The following SH2D7 variants were observed in gnomAD, a reference collection of about 807,000 sequenced individuals.
The protein encoded by SH2D7 is SH2 domain containing 7, also known as SH2 domain-containing protein 7.
A neutral mutation model predicts 40.8 loss-of-function variants in SH2D7; 32 were observed. The ratio of observed to expected loss-of-function variants is 0.78; its 90% CI spans 0.59 to 1.05. SH2D7 has a LOEUF of 1.05. SH2D7 is among the 50% of genes least tolerant of loss of function. SH2D7 has a pLI of 0.00. For synonymous variants in SH2D7, 195 were observed against 221.5 expected (o/e 0.88, Z 1.06); for missense variants, 559 against 566.6 (o/e 0.99, Z 0.14).
In SH2D7 at chr15:78,101,298, G is replaced by C; in HGVS notation, c.1045G>C (p.Asp349His). 1 of 1,612,978 alleles carries C rather than the reference G, an allele frequency of 6.2e-7. No homozygotes were observed. The highest frequency in any genetic ancestry group is 8.5e-7 in the Non-Finnish European group (1 of 1,179,548). ...GCCCTGCTCCCAGGGCAGCTCTGCAGATATCTATGAGTTCATCGGGACAGA... is the reference window on the plus strand; with the variant it reads ...GCCCTGCTCCCAGGGCAGCTCTGCACATATCTATGAGTTCATCGGGACAGA... ...AQPCSQGSSADIYEFIGTEGL... is the reference protein window; with the variant it reads ...AQPCSQGSSAHIYEFIGTEGL... Residue 349 changes from aspartate to histidine, a missense_variant, in exon 5 of 6, where the codon GAT becomes CAT. Asp to His is a moderately conservative substitution (Grantham distance 81). Coordinates refer to ENST00000328828, the MANE Select transcript of SH2D7 (RefSeq NM_001101404.2).
In SH2D7 at chr15:78,100,923, C is replaced by A. The variant is rs750372484; in HGVS notation, c.670C>A (p.Pro224Thr). Residue 224 changes from proline (P) to threonine (T), a missense_variant, in exon 5 of 6, where the codon CCT (proline) becomes ACT (threonine). Pro to Thr is a conservative substitution (Grantham distance 38). Coordinates refer to ENST00000328828, the MANE Select transcript of SH2D7 (RefSeq NM_001101404.2). Reference protein sequence around the residue: ...MEAPIRVSPLPEKSSSLLEES... With the variant: ...MEAPIRVSPLTEKSSSLLEES... Reference sequence around the variant, plus strand: ...GGCTCCCATCAGAGTGTCTCCACTCCCTGAGAAGAGTTCCTCCCTCCTGGA... The same window carrying A: ...GGCTCCCATCAGAGTGTCTCCACTCACTGAGAAGAGTTCCTCCCTCCTGGA... The A allele has an allele frequency of 2.4e-5, 38 of 1,613,646 alleles. No homozygotes were observed. The South Asian group carries it at 4.1e-4, about 17-fold the overall frequency.
At chr15:78,095,487 C>T (rs895496105) in intron 2 of SH2D7, among the ~76,000 whole-genome samples, 18 of 152,154 alleles carry the variant, frequency 1.2e-4, no homozygotes, top group African/African-American at 2.2e-4. Context: ...CCAAAATAGT[C>T]CCAAATGTTT....
At chr15:78,098,291 A>C in intron 3 of SH2D7, 93 bp from the exon 4 acceptor site, 1 of 1,479,992 alleles carries the variant, frequency 6.8e-7, no homozygotes, top group Non-Finnish European at 9.3e-7. Context: ...CCTGGTGGGA[A>C]TGTTGCAGTC....
chr15:78,100,988 C>A lies in SH2D7; in HGVS notation c.735C>A (p.Asp245Glu). The A allele has an allele frequency of 6.2e-7, 1 of 1,613,982 alleles. No homozygotes were observed. Among genetic ancestry groups the A allele is most frequent in the Non-Finnish European group, 8.5e-7 (1 of 1,179,888 alleles). The stretch of plus-strand genomic sequence containing the variant: ...GCCCCAGTGACATCATCTATGCAGA[C>A]CTGAGGAGGATGAACCAGGCACGGC... ...FGGPSDIIYA[D>E]LRRMNQARLG... The change falls in exon 5 of 6, where the codon GAC (aspartate) becomes GAA (glutamate). Residue 245 changes from aspartate to glutamate, a missense_variant. Physicochemically the swap from Asp to Glu is conservative, Grantham distance 45 (BLOSUM62 2). Transcript: ENST00000328828.
Position 78,094,213 on chromosome 15 carries a change from A to G in SH2D7, c.266+12A>G. On this transcript the variant is annotated intron_variant, in intron 2 of 5. Coordinates refer to ENST00000328828, the MANE Select transcript of SH2D7 (RefSeq NM_001101404.2). ...ATCTTGTCCTACAGGTAAGAGGGGA[A>G]GCCCTCTGGGCAAGCAAGCTCATCC... 6.2e-7 allele frequency: 1 copy of G among 1,601,878 alleles called. No homozygotes were observed. Among genetic ancestry groups the G allele is most frequent in the Non-Finnish European group, 8.5e-7 (1 of 1,174,172 alleles).
intron 5 of SH2D7, among the ~76,000 whole-genome samples, chr15:78,102,539 T>G (rs865867396): frequency 5.9e-5 from 9 of 151,370 alleles, no homozygotes; most frequent in South Asian, 2.1e-4. Context: ...ATCTCTGGGG[T>G]GGTGGTGGTG....
At chr15:78,099,805 A>T (rs1410827409) in intron 4 of SH2D7, among the ~76,000 whole-genome samples, 1 of 151,864 alleles carries the variant, frequency 6.6e-6, no homozygotes, top group African/African-American at 2.4e-5. Context: ...CTTCTAGATC[A>T]TCCTTGAACA....
At chr15:78,102,502 T>C (rs970965821) in intron 5 of SH2D7, among the ~76,000 whole-genome samples, 1 of 152,084 alleles carries the variant, frequency 6.6e-6, no homozygotes, top group Non-Finnish European at 1.5e-5. Context: ...GAGAGGGCTC[T>C]TGATGAACAG....
chr15:78,095,537 T>C (rs1013754253), intron 2 of SH2D7, among the ~76,000 whole-genome samples: 7 of 152,174 alleles, frequency 4.6e-5, no homozygotes, highest in African/African-American at 1.7e-4. Context: ...TGCAATTCCG[T>C]GGGGGAAAGG....
chr15:78,093,074 C>T lies in SH2D7; in HGVS notation c.176+314C>T, dbSNP rs533734097. On this transcript the variant is annotated intron_variant, in intron 1 of 5. Transcript: ENST00000328828. ...GTAACTAGGGGACCATATCTTTTAT[C>T]GTCCAAACCGGAACACTATTAGTAA... Among the ~76,000 whole-genome samples, 14 of 152,332 alleles carry T rather than the reference C, an allele frequency of 9.2e-5. 1 individual carries two copies. In the South Asian group the frequency reaches 2.5e-3, roughly 27 times the overall value.
rs1238219970 is a variant in SH2D7, at chr15:78,101,332, T to G, written c.1079T>G (p.Leu360Arg). ...IYEFIGTEGL[L>R]QEARDTPDQE... ...GAGTTCATCGGGACAGAAGGCCTCC[T>G]GCAAGAGGCCAGGGACACACCAGAC... is the stretch of plus-strand genomic sequence containing the variant. The change falls in exon 5 of 6, where the codon CTG (leucine) becomes CGG (arginine). Residue 360 changes from leucine (L) to arginine (R), a missense_variant. Leu to Arg is a moderately radical substitution (Grantham distance 102, BLOSUM62 -2). Transcript: ENST00000328828. The G allele has an allele frequency of 6.2e-7, 1 of 1,613,218 alleles. No homozygotes were observed. Among genetic ancestry groups the G allele is most frequent in the Non-Finnish European group, 8.5e-7 (1 of 1,179,660 alleles).
chr15:78,096,254 C>T (rs1179074254), intron 2 of SH2D7, among the ~76,000 whole-genome samples: 3 of 152,112 alleles, frequency 2.0e-5, no homozygotes, highest in Admixed American at 2.0e-4. Context: ...TAACAAAGGA[C>T]TCAAATCCAG....
At chr15:78,100,786 CA>C in intron 4 of SH2D7, 112 bp from the exon 5 acceptor site, 2 of 1,158,894 alleles carry the variant, frequency 1.7e-6, no homozygotes, top group Non-Finnish European at 2.4e-6. Context: ...CATGTACGGG[CA>C]GGAGGACTAT....
intron 5 of SH2D7, among the ~76,000 whole-genome samples, chr15:78,101,966 T>C (rs1053749419): frequency 6.6e-6 from 1 of 152,170 alleles, no homozygotes; most frequent in African/African-American, 2.4e-5. Context: ...ACAAATATTT[T>C]TGAGGCCAGG....
intron 4 of SH2D7, among the ~76,000 whole-genome samples, chr15:78,099,371 G>A (rs1209474577): frequency 6.6e-6 from 1 of 152,008 alleles, no homozygotes; most frequent in East Asian, 1.9e-4. Context: ...AGAGGGCAGT[G>A]GCACCATCTC....
chr15:78,099,953 C>G (rs931700240), intron 4 of SH2D7, among the ~76,000 whole-genome samples: 2 of 152,178 alleles, frequency 1.3e-5, no homozygotes, highest in African/African-American at 4.8e-5. Flanking sequence ...CTCAGAAAGG[C>G]CCACCTACAT....
In SH2D7 at chr15:78,101,233, C is replaced by A. The variant is rs780402533; in HGVS notation, c.980C>A (p.Thr327Asn). 1.2e-6 allele frequency: 2 copies of A among 1,603,664 alleles called. No individual in the cohort carries two copies. The highest frequency in any genetic ancestry group is 2.2e-5 in the South Asian group (2 of 89,922). ...CSDAMGSLGA[T>N]WRQEFPKLSQ... ...GATGCCATGGGATCCCTGGGGGCTA[C>A]CTGGAGGCAGGAGTTTCCAAAGCTG... is the stretch of plus-strand genomic sequence containing the variant. The change falls in exon 5 of 6, where the codon ACC becomes AAC. Residue 327 changes from threonine to asparagine, a missense_variant. Thr to Asn is a moderately conservative substitution (Grantham distance 65). Coordinates refer to ENST00000328828, the MANE Select transcript of SH2D7 (RefSeq NM_001101404.2).
In SH2D7 at chr15:78,101,549, G is replaced by A. The variant is rs1347123614; in HGVS notation, c.1296G>A (p.Arg432=). 2 of 1,587,548 alleles carry A rather than the reference G, an allele frequency of 1.3e-6. No individual in the cohort carries two copies. The highest frequency in any genetic ancestry group is 8.6e-7 in the Non-Finnish European group (1 of 1,168,002). The change falls in exon 5 of 6, where the codon CGG becomes CGA. Residue 432 remains arginine (R), a synonymous_variant. Transcript: ENST00000328828. ...CAACCAAGAGCAAGGAGACTGGACG[G>A]ACACACAAGGTGAGCTCCATGATGG... ...IPATKSKETG[R]THKPDKLRRL...
chr15:78,101,140 G>T lies in SH2D7; in HGVS notation c.887G>T (p.Gly296Val), dbSNP rs368870787. 187 of 1,560,212 alleles carry T rather than the reference G, an allele frequency of 1.2e-4. No homozygotes were observed. Among genetic ancestry groups the T allele is most frequent in the South Asian group, 1.6e-4 (13 of 81,408 alleles). Residue 296 changes from glycine to valine, a missense_variant, in exon 5 of 6, where the codon GGG (glycine) becomes GTG (valine). Physicochemically the swap from Gly to Val is moderately radical, Grantham distance 109 (BLOSUM62 -3). Transcript: ENST00000328828. ...GAACAGAACAGGCCTGATGGCCTGG[G>T]GCCTGTCCTTTCTGGGGTGAGCCCA... is the stretch of plus-strand genomic sequence containing the variant. ...DGEQNRPDGLGPVLSGVSPDQ... is the reference protein window; with the variant it reads ...DGEQNRPDGLVPVLSGVSPDQ...
Sources: gnomAD v4.1 joint callset for allele counts (sites outside exome capture counted in the v4.1 genomes callset) on GRCh38, gnomAD v4.1.1 for gene constraint, MANE v1.5 for transcripts, NCBI Gene and HGNC (gene_info 2026-07-23, HGNC 2026-07-21) for gene names.